SYNE1: variants seen among roughly 807,000 people sequenced by gnomAD.
The protein encoded by SYNE1 is spectrin repeat containing nuclear envelope protein 1.
Under a neutral mutation model 1,111.0 loss-of-function variants are expected in SYNE1, and 616 were observed. The observed-to-expected ratio is 0.55, with a 90% confidence interval of 0.52 to 0.59. The LOEUF (loss-of-function observed/expected upper bound fraction) is 0.59, where lower values mean the gene tolerates loss of function less well. Ranked by LOEUF, SYNE1 falls within the 20% of genes least tolerant of loss-of-function variation. The pLI is 0.00. For synonymous variants in SYNE1, 3,855 were observed against 3,825.8 expected, an observed-to-expected ratio of 1.01 and a Z score of -0.28; for missense variants, 10,006 against 10,417.0, an observed-to-expected ratio of 0.96 and a Z score of 1.72.
chr6:152,387,392 T>C lies in SYNE1; in HGVS notation c.8178-11A>G. 1 of 1,613,328 alleles carries C rather than the reference T, an allele frequency of 6.2e-7. No individual in the cohort carries two copies. Among genetic ancestry groups the C allele is most frequent in the Non-Finnish European group, 8.5e-7 (1 of 1,179,486 alleles). On this transcript the variant is annotated splice_polypyrimidine_tract_variant and intron_variant, in intron 53 of 145. Transcript: ENST00000367255. ...ACAGACTCTAAAGTGCTAGAATTAA[T>C]GTCACATATTAACAAAAATGAATTA...
intron 3 of SYNE1, 80 bp downstream of exon 3, chr6:152,628,185 A>G: frequency 6.6e-7 from 1 of 1,504,456 alleles, no homozygotes; most frequent in African/African-American, 1.4e-5. Flanking sequence ...GAAATTGAGT[A>G]AAACCCCAAA....
At chr6:152,630,876 G>C (rs562633336) in intron 2 of SYNE1, among the ~76,000 whole-genome samples, 11 of 152,172 alleles carry the variant, frequency 7.2e-5, no homozygotes, top group Middle Eastern at 3.2e-3. Context: ...TAGCTTGGTA[G>C]ATTAATCTGA....
At chr6:152,566,005 A>C (rs1046031050) in intron 3 of SYNE1, among the ~76,000 whole-genome samples, 6 of 152,228 alleles carry the variant, frequency 3.9e-5, no homozygotes, top group African/African-American at 1.2e-4. Context: ...CAAGGAGAAA[A>C]ATAAGATACA....
At chr6:152,415,596 A>C (rs1178067775) in intron 41 of SYNE1, among the ~76,000 whole-genome samples, 1 of 152,142 alleles carries the variant, frequency 6.6e-6, no homozygotes, top group Non-Finnish European at 1.5e-5. Flanking sequence ...AACTACTAGG[A>C]TCACTACCTT....
chr6:152,261,844 A>T, intron 101 of SYNE1, among the ~76,000 whole-genome samples, 188 bp downstream of exon 101: 1 of 152,328 alleles, frequency 6.6e-6, no homozygotes, highest in Admixed American at 6.5e-5. Flanking sequence ...AAATTTTCAC[A>T]TATAAATATA....
At chr6:152,187,477 A>G (rs923551343) in intron 128 of SYNE1, among the ~76,000 whole-genome samples, 1 of 152,060 alleles carries the variant, frequency 6.6e-6, no homozygotes, top group Non-Finnish European at 1.5e-5. Context: ...GGGACATAAG[A>G]GTAGGGACAT....
chr6:152,283,047 A>G (rs1446154330), intron 96 of SYNE1, among the ~76,000 whole-genome samples: 2 of 152,190 alleles, frequency 1.3e-5, no homozygotes, highest in African/African-American at 4.8e-5. Context: ...TAGATACTGT[A>G]AAGGTCTTTA....
intron 3 of SYNE1, among the ~76,000 whole-genome samples, chr6:152,564,814 T>C (rs2128249723): frequency 6.6e-6 from 1 of 152,276 alleles, no homozygotes; most frequent in Non-Finnish European, 1.5e-5. Flanking sequence ...GCATCATCAT[T>C]TACTGCGAGA....
intron 3 of SYNE1, among the ~76,000 whole-genome samples, chr6:152,576,085 T>C (rs2099495377): frequency 6.6e-6 from 1 of 152,368 alleles, no homozygotes; most frequent in East Asian, 1.9e-4. Flanking sequence ...GTTCCTGCTG[T>C]GTTTTTTCAA....
At chr6:152,456,305 C>T (rs1245963377) in intron 22 of SYNE1, among the ~76,000 whole-genome samples, 3 of 151,370 alleles carry the variant, frequency 2.0e-5, no homozygotes, top group Non-Finnish European at 4.4e-5. Context: ...ACCTCATGTA[C>T]ATTTTATTGT....
intron 63 of SYNE1, among the ~76,000 whole-genome samples, chr6:152,363,186 A>T (rs2096966275): frequency 7.0e-6 from 1 of 142,434 alleles, no homozygotes; most frequent in African/African-American, 2.5e-5. Flanking sequence ...CGGCCTACAC[A>T]TGCTATATTT....
intron 93 of SYNE1, among the ~76,000 whole-genome samples, chr6:152,295,515 G>A (rs186539574): frequency 6.6e-6 from 1 of 152,110 alleles, no homozygotes; most frequent in Admixed American, 6.5e-5. Flanking sequence ...TTCTTGCCAA[G>A]ACTCTTGTTT....
At chr6:152,143,365 A>G (rs543667163) in intron 138 of SYNE1, among the ~76,000 whole-genome samples, 1 of 152,336 alleles carries the variant, frequency 6.6e-6, no homozygotes, top group East Asian at 1.9e-4. Flanking sequence ...GTTGCTCTCA[A>G]TGAAAAGGAT....
At chr6:152,182,120 G>C (rs2068253189) in intron 128 of SYNE1, among the ~76,000 whole-genome samples, 1 of 152,130 alleles carries the variant, frequency 6.6e-6, no homozygotes, top group Non-Finnish European at 1.5e-5. Context: ...ACTGAGTTCT[G>C]AGAGTTTCTT....
chr6:152,579,350 A>G (rs1309554374), intron 3 of SYNE1, among the ~76,000 whole-genome samples: 2 of 152,170 alleles, frequency 1.3e-5, no homozygotes, highest in Admixed American at 1.3e-4. Context: ...GATCTCAGCT[A>G]CCATGTTGTG....
At chr6:152,572,394 C>A (rs893715297) in intron 3 of SYNE1, among the ~76,000 whole-genome samples, 3 of 152,172 alleles carry the variant, frequency 2.0e-5, no homozygotes, top group African/African-American at 4.8e-5. Flanking sequence ...TCACTTCAGT[C>A]CTCAATGTCT....
intron 14 of SYNE1, among the ~76,000 whole-genome samples, chr6:152,481,758 T>C (rs1279062321): frequency 1.3e-5 from 2 of 151,252 alleles, no homozygotes; most frequent in Non-Finnish European, 2.9e-5. Context: ...GGAAACTGAT[T>C]CAATCCCAGG....
At chr6:152,471,849 T>A in intron 15 of SYNE1, 84 bp from the exon 16 acceptor site, 1 of 1,362,894 alleles carries the variant, frequency 7.3e-7, no homozygotes, top group Non-Finnish European at 1.0e-6. Flanking sequence ...ATGTCAGCCT[T>A]AAATAGAATG....
intron 3 of SYNE1, among the ~76,000 whole-genome samples, chr6:152,547,927 T>G (rs1490379401): frequency 6.6e-6 from 1 of 152,222 alleles, no homozygotes; most frequent in South Asian, 2.1e-4. Context: ...GATGTGTTAA[T>G]TGACTGTGGT....
Sources: allele counts gnomAD v4.1 joint callset (sites outside exome capture counted in the v4.1 genomes callset), GRCh38; gene constraint gnomAD v4.1.1; transcripts MANE v1.5; gene names NCBI Gene and HGNC (gene_info 2026-07-23, HGNC 2026-07-21).